SLC23A2: variants seen among roughly 807,000 people sequenced by gnomAD.
SLC23A2 encodes the protein Na(+)/L-ascorbic acid transporter 2.
SLC23A2 carries 36 observed loss-of-function variants against 73.3 expected under a neutral mutation model. The ratio of observed to expected loss-of-function variants is 0.49; its 90% confidence interval spans 0.38 to 0.65. SLC23A2 has a LOEUF of 0.65. SLC23A2 is among the 30% of genes least tolerant of loss of function. The pLI, the probability that SLC23A2 is intolerant of heterozygous loss-of-function variation, is 0.00. For missense variants in SLC23A2, 507 were observed against 841.6 expected (o/e 0.60, Z 4.92); for synonymous variants, 343 against 327.3 (o/e 1.05, Z -0.52).
intron 6 of SLC23A2, among the ~76,000 whole-genome samples, chr20:4,894,382 G>A (rs1448389622): frequency 2.0e-5 from 3 of 152,168 alleles, no homozygotes; most frequent in Admixed American, 2.0e-4. Flanking sequence ...AACCTCCAAT[G>A]CAAAAAGACA....
chr20:4,946,243 C>T (rs961849942), intron 2 of SLC23A2, among the ~76,000 whole-genome samples: 3 of 152,146 alleles, frequency 2.0e-5, no homozygotes, highest in African/African-American at 4.8e-5. Context: ...CCATCTGTAG[C>T]GAGCCCCAGG....
intron 2 of SLC23A2, among the ~76,000 whole-genome samples, chr20:4,935,930 C>A (rs2086956070): frequency 6.6e-6 from 1 of 152,122 alleles, no homozygotes; most frequent in African/African-American, 2.4e-5. Context: ...TGCTGGCAAC[C>A]ACAGAGCCTC....
At position 4,902,670 on chromosome 20, in the gene SLC23A2, C is replaced by A; in HGVS notation, c.208-112G>T. The stretch of plus-strand genomic sequence containing the variant: ...AACAACTTTATCAAGTGGTTGCCAT[C>A]TTCCTGCAGTTTTGAGCCTTGGCTA... On this transcript the variant is annotated intron_variant, in intron 4 of 16. Transcript: ENST00000338244. This position sits in a 1 kb window ranked among gnomAD's most constrained non-coding sequence, Gnocchi z 4.0. 1 of 582,328 alleles carries A rather than the reference C, an allele frequency of 1.7e-6. No homozygotes were observed. The highest frequency in any genetic ancestry group is 3.1e-6 in the Non-Finnish European group (1 of 327,178). 36.1% of individuals were successfully genotyped at this position (582,328 alleles called of 1,614,324 possible). A position where few individuals can be genotyped will look rare whatever the true frequency, so the allele number is the denominator to read the frequency against.
In SLC23A2 at chr20:4,950,018, T is replaced by G. The variant is rs552906776; in HGVS notation, c.-154-17302A>C. On this transcript the variant is annotated intron_variant, in intron 2 of 16. Transcript: ENST00000338244. ...AACCCACACAGGCTGGCCAAAATTG[T>G]ATAACCGCACCACCTCATTAGAAAT... Among the ~76,000 whole-genome samples, 45 of 152,342 alleles carry G rather than the reference T, an allele frequency of 3.0e-4. No homozygotes were observed. The South Asian group carries it at 9.3e-3, about 32-fold the overall frequency.
intron 3 of SLC23A2, among the ~76,000 whole-genome samples, chr20:4,916,652 A>G (rs545476074): frequency 3.5e-4 from 53 of 152,358 alleles, no homozygotes; most frequent in African/African-American, 1.2e-3. Context: ...CTACTTATAC[A>G]TACACAAATA....
chr20:4,918,367 G>C (rs1932394935), intron 3 of SLC23A2, among the ~76,000 whole-genome samples: 1 of 152,138 alleles, frequency 6.6e-6, no homozygotes, highest in Admixed American at 6.6e-5. Context: ...CAATCAATCA[G>C]CTATGAAAGG....
In SLC23A2 at chr20:4,883,449, G is replaced by A. The variant is rs1404055006; in HGVS notation, c.824+193C>T. Among the ~76,000 whole-genome samples, 6 of 152,178 alleles carry A rather than the reference G, an allele frequency of 3.9e-5. No homozygotes were observed. The highest frequency in any genetic ancestry group is 1.5e-5 in the Non-Finnish European group (1 of 68,026). ...TCATATTGCTGCTAAGTCTGTCTTT[G>A]TAATACGTCAACTATATGTCACTTC... is the stretch of plus-strand genomic sequence containing the variant. On this transcript the variant is annotated intron_variant, in intron 9 of 16. Coordinates refer to ENST00000338244, the MANE Select transcript of SLC23A2 (RefSeq NM_005116.6). The surrounding 1 kb of genome is among the most constrained non-coding windows in gnomAD (Gnocchi z 4.5).
Position 4,950,001 on chromosome 20 carries a change from C to A in SLC23A2, c.-154-17285G>T, listed in dbSNP as rs534687870. ...GGAATTTCAGCTTTTATAACCCACA[C>A]AGGCTGGCCAAAATTGTATAACCGC... is the stretch of plus-strand genomic sequence containing the variant. On this transcript the variant is annotated intron_variant, in intron 2 of 16. Transcript: ENST00000338244. Among the ~76,000 whole-genome samples, 5 of 152,328 alleles carry A rather than the reference C, an allele frequency of 3.3e-5. No homozygotes were observed. In the East Asian group the frequency reaches 9.6e-4, roughly 29 times the overall value.
At chr20:4,874,441 G>T in intron 10 of SLC23A2, 135 bp downstream of exon 10, 1 of 782,026 alleles carries the variant, frequency 1.3e-6, no homozygotes, top group Non-Finnish European at 2.1e-6. Flanking sequence ...GATCTGAGTG[G>T]TCATTAGTAG....
chr20:4,948,040 G>T (rs60119693), intron 2 of SLC23A2, among the ~76,000 whole-genome samples: 8,392 of 152,172 alleles, frequency 0.055, 342 homozygotes, highest in South Asian at 0.11. Context: ...CCTCTTTCCA[G>T]CACAGTCCCT....
chr20:4,918,286 T>C (rs1417892381), intron 3 of SLC23A2, among the ~76,000 whole-genome samples: 2 of 152,194 alleles, frequency 1.3e-5, no homozygotes, highest in Admixed American at 6.5e-5. Context: ...GAACAAGATG[T>C]CCTTTCTTCT....
At chr20:4,963,001 A>C (rs1191318224) in intron 2 of SLC23A2, among the ~76,000 whole-genome samples, 2 of 152,180 alleles carry the variant, frequency 1.3e-5, no homozygotes, top group Non-Finnish European at 2.9e-5. Context: ...TATCTCAAAA[A>C]AAGTTGCCAG....
At chr20:4,922,111 A>C (rs1484541161) in intron 3 of SLC23A2, among the ~76,000 whole-genome samples, 1 of 152,244 alleles carries the variant, frequency 6.6e-6, no homozygotes, top group Non-Finnish European at 1.5e-5. Context: ...GAAATATTTT[A>C]TCTCTAATCA....
intron 3 of SLC23A2, among the ~76,000 whole-genome samples, chr20:4,925,674 C>T (rs556239321): frequency 1.7e-4 from 26 of 152,314 alleles, no homozygotes; most frequent in Admixed American, 1.6e-3. Context: ...AGCAAATTTA[C>T]TATGACCTCT....
rs377249467 is a variant in SLC23A2 at position 4,932,404 on chromosome 20, C to A, written c.108+51G>T. 75 of 1,052,134 alleles carry A rather than the reference C, an allele frequency of 7.1e-5. No individual in the cohort carries two copies. The African/African-American group carries it at 1.0e-3, about 15-fold the overall frequency. The allele number at this position is 1,052,134 out of a possible 1,614,324, so 65.2% of individuals were successfully genotyped here. A position where few individuals can be genotyped will look rare whatever the true frequency, so the allele number is the denominator to read the frequency against. On this transcript the variant is annotated intron_variant, in intron 3 of 16. Transcript: ENST00000338244. ...AAGCCAATCCTATGTTGATTCCATA[C>A]GGAAACTACTTTCAAGAGATTTAAG...
At chr20:4,882,212 T>TA (rs1228366433) in intron 9 of SLC23A2, among the ~76,000 whole-genome samples, 2 of 151,984 alleles carry the variant, frequency 1.3e-5, no homozygotes, top group East Asian at 1.9e-4. Context: ...CCGTCTCTAC[T>TA]AAAAATACAA....
chr20:4,893,647 C>A (rs1931412871), intron 6 of SLC23A2, among the ~76,000 whole-genome samples: 1 of 152,202 alleles, frequency 6.6e-6, no homozygotes, highest in Non-Finnish European at 1.5e-5. Context: ...AACTCTCTCT[C>A]CTTAGGGCAG....
chr20:4,966,950 C>T (rs1345608107), intron 2 of SLC23A2, among the ~76,000 whole-genome samples: 1 of 151,768 alleles, frequency 6.6e-6, no homozygotes, highest in Admixed American at 6.6e-5. Context: ...GAGCAGGTGC[C>T]ATAACCTAAT....
chr20:4,882,452 T>C (rs1930926650), intron 9 of SLC23A2, among the ~76,000 whole-genome samples: 1 of 140,646 alleles, frequency 7.1e-6, no homozygotes, highest in Admixed American at 7.1e-5. Context: ...TCAAACCTTG[T>C]TTAAAGAAAA....
Sources: allele counts gnomAD v4.1 joint callset (sites outside exome capture counted in the v4.1 genomes callset), GRCh38; gene constraint gnomAD v4.1.1; non-coding constraint Gnocchi (gnomAD v3.1); transcripts MANE v1.5; gene names NCBI Gene and HGNC (gene_info 2026-07-23, HGNC 2026-07-21).